The following CNIH3 variants were observed in gnomAD, a reference collection of about 807,000 sequenced individuals.
The protein encoded by CNIH3 is protein cornichon homolog 3.
In CNIH3, 14 loss-of-function variants were observed where a neutral mutation model predicts 24.1. That is an observed-to-expected ratio of 0.58 (90% confidence interval 0.38 to 0.91). The LOEUF is 0.91. Ranked by LOEUF, CNIH3 falls within the 40% of genes least tolerant of loss-of-function variation. The pLI, the probability that CNIH3 is intolerant of heterozygous loss-of-function variation, is 0.00. For missense variants in CNIH3, 178 were observed against 196.8 expected (o/e 0.90, Z 0.57); for synonymous variants, 68 against 73.8 (o/e 0.92, Z 0.40).
At chr1:224,664,007 C>T (rs1462388903) in intron 1 of CNIH3, among the ~76,000 whole-genome samples, 1 of 152,150 alleles carries the variant, frequency 6.6e-6, no homozygotes, top group Non-Finnish European at 1.5e-5. Flanking sequence ...AAGCCAATTA[C>T]CGAGACAATG....
intron 1 of CNIH3, among the ~76,000 whole-genome samples, chr1:224,618,566 A>T (rs1331060926): frequency 6.6e-6 from 1 of 152,164 alleles, no homozygotes; most frequent in East Asian, 1.9e-4. Flanking sequence ...CAGAGAGGAG[A>T]GGGGAAACTC....
intron 3 of CNIH3, among the ~76,000 whole-genome samples, chr1:224,728,145 A>C (rs926435216): frequency 2.0e-5 from 3 of 152,232 alleles, no homozygotes; most frequent in African/African-American, 7.2e-5. Context: ...ATTCAGGCCC[A>C]CGGTGGCTGT....
At chr1:224,497,277 T>C (rs1408960813) in intron 1 of CNIH3, among the ~76,000 whole-genome samples, 3 of 152,216 alleles carry the variant, frequency 2.0e-5, no homozygotes, top group Non-Finnish European at 4.4e-5. Context: ...GTGATGAAAA[T>C]GTTCTAGAAT....
intron 5 of CNIH3, among the ~76,000 whole-genome samples, chr1:224,585,313 A>G (rs1345212123): frequency 6.6e-6 from 1 of 151,978 alleles, no homozygotes; most frequent in African/African-American, 2.4e-5. Context: ...CACTCAACAT[A>G]CGTAATGAGC....
intron 1 of CNIH3, among the ~76,000 whole-genome samples, chr1:224,509,026 T>TA (rs889143661): frequency 2.5e-4 from 37 of 151,020 alleles, no homozygotes; most frequent in East Asian, 3.9e-4. Context: ...AACCTCATGG[T>TA]AAAAAAAAAG....
intron 1 of CNIH3, among the ~76,000 whole-genome samples, chr1:224,673,342 A>G (rs1036941790): frequency 1.3e-5 from 2 of 152,070 alleles, no homozygotes; most frequent in Non-Finnish European, 2.9e-5. Context: ...TGAATCCCGC[A>G]CAGTTGGGAT....
At chr1:224,476,772 T>C (rs1237623473) in intron 1 of CNIH3, among the ~76,000 whole-genome samples, 1 of 151,994 alleles carries the variant, frequency 6.6e-6, no homozygotes, top group Non-Finnish European at 1.5e-5. Context: ...AAAATACCAA[T>C]GATATTCTTC....
chr1:224,585,683 C>T (rs1251301878), intron 5 of CNIH3, among the ~76,000 whole-genome samples: 1 of 143,394 alleles, frequency 7.0e-6, no homozygotes, highest in Non-Finnish European at 1.5e-5. Context: ...GGGGGTCTCA[C>T]TATGTTGCCC....
Position 224,682,935 on chromosome 1 carries a change from G to C in CNIH3, c.151-1861G>C, listed in dbSNP as rs144300715. 3.3e-5 allele frequency among the ~76,000 whole-genome samples: 5 copies of C among 152,318 alleles called. No individual in the cohort carries two copies. In the East Asian group the frequency reaches 9.6e-4, roughly 29 times the overall value. ...TTCTATCATGCAAATTCCATGCTGG[G>C]TTGCAGGTGATTGGTGAAACCACGA... is the stretch of plus-strand genomic sequence containing the variant. On this transcript the variant is annotated intron_variant, in intron 2 of 5. Coordinates refer to ENST00000272133, the MANE Select transcript of CNIH3 (RefSeq NM_152495.2).
In CNIH3 at chr1:224,561,160, C is replaced by T. The variant is rs545608742; in HGVS notation, n.451-5039C>T. ...CTCTTAGTTATATGTATTAAAATGA[C>T]ACTTTCCCACTTTTGTTTGTCTTTT... On this transcript the variant is annotated intron_variant and non_coding_transcript_variant, in intron 3 of 5. Transcript: ENST00000471578. 6.6e-5 allele frequency among the ~76,000 whole-genome samples: 10 copies of T among 152,244 alleles called. No homozygotes were observed. In the South Asian group the frequency reaches 1.7e-3, roughly 25 times the overall value.
intron 1 of CNIH3, among the ~76,000 whole-genome samples, chr1:224,463,636 A>G (rs1044855330): frequency 3.3e-5 from 5 of 150,600 alleles, no homozygotes; most frequent in African/African-American, 7.3e-5. Context: ...CGAACTCCCA[A>G]CCTCAGATGA....
intron 3 of CNIH3, among the ~76,000 whole-genome samples, chr1:224,611,043 T>C (rs1682670901): frequency 6.6e-6 from 1 of 152,196 alleles, no homozygotes. Flanking sequence ...GCCTTTCTAT[T>C]TCATAAAGCC....
At chr1:224,439,858 G>A (rs1415707922) in intron 1 of CNIH3, among the ~76,000 whole-genome samples, 1 of 151,984 alleles carries the variant, frequency 6.6e-6, no homozygotes, top group Non-Finnish European at 1.5e-5. Context: ...GCGCAATCTC[G>A]GCTCACTGCA....
chr1:224,636,389 T>C (rs1684088095), intron 1 of CNIH3, among the ~76,000 whole-genome samples: 1 of 152,046 alleles, frequency 6.6e-6, no homozygotes. Flanking sequence ...CCTAGAGAGG[T>C]AAAGTGACTT....
In CNIH3 at chr1:224,546,211, GT is replaced by G. The variant is rs534275396; in HGVS notation, n.340-615del. ...AGCAAGCTTTGTTTCATTCTTGTAT[GT>G]TTGGATACAACTTTTATGGAAGTTT... On this transcript the variant is annotated intron_variant and non_coding_transcript_variant, in intron 2 of 5. Transcript: ENST00000471578. Among the ~76,000 whole-genome samples, 10 of 152,304 alleles carry G rather than the reference GT, an allele frequency of 6.6e-5. No individual in the cohort carries two copies. In the South Asian group the frequency reaches 2.1e-3, roughly 32 times the overall value.
intron 2 of CNIH3, among the ~76,000 whole-genome samples, chr1:224,524,447 C>A (rs969894269): frequency 6.6e-6 from 1 of 152,134 alleles, no homozygotes; most frequent in Non-Finnish European, 1.5e-5. Context: ...TTACATTTAT[C>A]CTTTAGCCTC....
intron 3 of CNIH3, among the ~76,000 whole-genome samples, chr1:224,686,986 C>T (rs1686693358): frequency 6.6e-6 from 1 of 152,224 alleles, no homozygotes. Context: ...GCTCCTTTTT[C>T]CCACGCCACT....
intron 1 of CNIH3, among the ~76,000 whole-genome samples, chr1:224,468,067 A>G (rs1193208158): frequency 1.3e-5 from 2 of 152,090 alleles, no homozygotes; most frequent in Non-Finnish European, 2.9e-5. Context: ...TTCTTCCACC[A>G]GTACTCTACT....
At chr1:224,634,555 A>C (rs1328835954) in intron 1 of CNIH3, among the ~76,000 whole-genome samples, 4 of 150,862 alleles carry the variant, frequency 2.7e-5, no homozygotes, top group Admixed American at 2.6e-4. Flanking sequence ...CCTGGGCAAC[A>C]GATTGAGACT....
Sources: allele counts gnomAD v4.1 joint callset (sites outside exome capture counted in the v4.1 genomes callset), GRCh38; gene constraint gnomAD v4.1.1; transcripts MANE v1.5; gene names NCBI Gene and HGNC (gene_info 2026-07-23, HGNC 2026-07-21).